EPB41L4A: variants seen among roughly 807,000 people sequenced by gnomAD.
EPB41L4A encodes band 4.1-like protein 4A.
In EPB41L4A, 100 loss-of-function variants were observed where a neutral mutation model predicts 108.6. The observed-to-expected ratio is 0.92, with a 90% CI of 0.78 to 1.09. The LOEUF is 1.09. Ranked by LOEUF, EPB41L4A falls within the 50% of genes least tolerant of loss-of-function variation. The pLI, the probability that EPB41L4A is intolerant of heterozygous loss-of-function variation, is 0.00. For synonymous variants in EPB41L4A, 319 were observed against 289.0 expected (o/e 1.10, Z -1.05); for missense variants, 1,030 against 842.7 (o/e 1.22, Z -2.75).
chr5:112,200,674 T>C (rs1762176331), intron 15 of EPB41L4A, among the ~76,000 whole-genome samples: 1 of 152,220 alleles, frequency 6.6e-6, no homozygotes, highest in Non-Finnish European at 1.5e-5. Context: ...ATGCTGACTT[T>C]CTTTTTCTAG....
chr5:112,268,042 G>A (rs75664786), intron 4 of EPB41L4A, among the ~76,000 whole-genome samples: 1 of 152,176 alleles, frequency 6.6e-6, no homozygotes, highest in African/African-American at 2.4e-5. Flanking sequence ...TCTTGGAAAG[G>A]AGAAAAGCAG....
At chr5:112,312,236 T>A (rs774301563) in intron 1 of EPB41L4A, among the ~76,000 whole-genome samples, 1 of 152,230 alleles carries the variant, frequency 6.6e-6, no homozygotes, top group Non-Finnish European at 1.5e-5. Flanking sequence ...AAAATTTTCA[T>A]GCAGAGGAAG....
chr5:112,326,683 A>G (rs1227269298), intron 1 of EPB41L4A, among the ~76,000 whole-genome samples: 1 of 152,192 alleles, frequency 6.6e-6, no homozygotes, highest in Non-Finnish European at 1.5e-5. Flanking sequence ...TTCACACTGC[A>G]AAATGCCAGT....
intron 12 of EPB41L4A, among the ~76,000 whole-genome samples, chr5:112,213,528 T>C (rs987857987): frequency 2.0e-5 from 3 of 152,126 alleles, no homozygotes; most frequent in African/African-American, 7.2e-5. Flanking sequence ...TTTGTATTTT[T>C]AGTAGAGATG....
intron 15 of EPB41L4A, 79 bp from the exon 16 acceptor site, chr5:112,195,787 C>T: frequency 8.2e-7 from 1 of 1,220,494 alleles, no homozygotes; most frequent in South Asian, 1.3e-5. Context: ...ATGAGTTTCA[C>T]TTCAGTTAAC....
intron 2 of EPB41L4A, among the ~76,000 whole-genome samples, chr5:112,299,976 T>C (rs1463007958): frequency 6.6e-6 from 1 of 152,190 alleles, no homozygotes; most frequent in Non-Finnish European, 1.5e-5. Context: ...CTGCTTGTTT[T>C]TGGTGTCTAT....
At chr5:112,360,959 G>A (rs190775441) in intron 1 of EPB41L4A, among the ~76,000 whole-genome samples, 16 of 151,896 alleles carry the variant, frequency 1.1e-4, no homozygotes, top group Admixed American at 3.9e-4. Flanking sequence ...GTCTCTGACC[G>A]GCCGCCCCGT....
At chr5:112,210,788 G>C (rs1233779482) in intron 12 of EPB41L4A, among the ~76,000 whole-genome samples, 1 of 151,942 alleles carries the variant, frequency 6.6e-6, no homozygotes, top group Non-Finnish European at 1.5e-5. Context: ...ACTCAAGGAG[G>C]AGGCAGTTTA....
rs142773257 is a variant in EPB41L4A at position 112,336,327 on chromosome 5, G to C, written c.100-28837C>G. On this transcript the variant is annotated intron_variant, in intron 1 of 22. Transcript: ENST00000261486. ...AAAAAGCTTCAAAGTGGGCTGTTCA[G>C]AGTTAGGTGGAGTAAGGCGCTTTCC... Among the ~76,000 whole-genome samples, 897 of 152,306 alleles carry C rather than the reference G, an allele frequency of 5.9e-3. 10 individuals are homozygous for C. The highest frequency in any genetic ancestry group is 0.02 in the African/African-American group (820 of 41,572).
intron 17 of EPB41L4A, among the ~76,000 whole-genome samples, chr5:112,186,455 G>T (rs1439958438): frequency 6.6e-6 from 1 of 152,120 alleles, no homozygotes; most frequent in African/African-American, 2.4e-5. Context: ...ATAGTAATAA[G>T]GACCAAATCA....
At chr5:112,322,014 T>C (rs562656045) in intron 1 of EPB41L4A, among the ~76,000 whole-genome samples, 5 of 152,208 alleles carry the variant, frequency 3.3e-5, no homozygotes, top group Admixed American at 1.3e-4. Flanking sequence ...ACATAAGTCA[T>C]AATCAGATAA....
At chr5:112,355,295 G>C (rs966071212) in intron 1 of EPB41L4A, among the ~76,000 whole-genome samples, 10 of 152,330 alleles carry the variant, frequency 6.6e-5, no homozygotes, top group African/African-American at 2.4e-4. Context: ...GCAATGCAGT[G>C]CATGCAGATC....
At chr5:112,388,586 G>C (rs1010744909) in intron 1 of EPB41L4A, among the ~76,000 whole-genome samples, 3 of 152,262 alleles carry the variant, frequency 2.0e-5, no homozygotes, top group Admixed American at 1.3e-4. Flanking sequence ...CAGGATTATG[G>C]ATAGACAGCC....
At chr5:112,211,759 A>C (rs1002225878) in intron 12 of EPB41L4A, among the ~76,000 whole-genome samples, 5 of 152,202 alleles carry the variant, frequency 3.3e-5, no homozygotes, top group African/African-American at 1.2e-4. Context: ...GGAAAGATAA[A>C]CATTAATAAA....
chr5:112,183,273 C>T (rs1051213505), intron 18 of EPB41L4A: 1 of 152,324 alleles, frequency 6.6e-6, no homozygotes, highest in Non-Finnish European at 1.5e-5. Context: ...TCATACACGA[C>T]TGGACTTAAT....
Position 112,412,132 on chromosome 5 carries a change from T to A in EPB41L4A, c.99+6809A>T, listed in dbSNP as rs143935951. 3.0e-3 allele frequency among the ~76,000 whole-genome samples: 450 copies of A among 152,330 alleles called. 3 individuals are homozygous for A. Among genetic ancestry groups the A allele is most frequent in the Non-Finnish European group, 4.9e-3 (330 of 68,020 alleles). On this transcript the variant is annotated intron_variant, in intron 1 of 22. Transcript: ENST00000261486. ...TCCCTCTGCAGTCTCGGTCCACCAA[T>A]TCCTCCTTTGCCATCTGACCTTTTG...
intron 1 of EPB41L4A, chr5:112,363,581 T>G (rs366217): frequency 0.67 from 101,374 of 152,156 alleles, 33,947 homozygotes; most frequent in South Asian, 0.82. Context: ...GTCAGACATG[T>G]TCTGAAACTT....
chr5:112,379,565 T>C (rs1760035058), intron 1 of EPB41L4A, among the ~76,000 whole-genome samples: 1 of 152,144 alleles, frequency 6.6e-6, no homozygotes, highest in Non-Finnish European at 1.5e-5. Flanking sequence ...AGTTTGGCCA[T>C]AAGGGAGAAA....
rs139818791 is a variant in EPB41L4A at position 112,245,361 on chromosome 5, T to C, written c.796-4551A>G. Among the ~76,000 whole-genome samples, 30 of 152,276 alleles carry C rather than the reference T, an allele frequency of 2.0e-4. No homozygotes were observed. In the East Asian group the frequency reaches 5.4e-3, roughly 27 times the overall value. ...TAAAACAATCAATGCAAAAGAATAA[T>C]TGAAATGATTTGTCTCCTACTTTTA... is the stretch of plus-strand genomic sequence containing the variant. On this transcript the variant is annotated intron_variant, in intron 9 of 22. Transcript: ENST00000261486.
Sources: allele counts gnomAD v4.1 joint callset (sites outside exome capture counted in the v4.1 genomes callset), GRCh38; gene constraint gnomAD v4.1.1; transcripts MANE v1.5; gene names NCBI Gene and HGNC (gene_info 2026-07-23, HGNC 2026-07-21).